The following PARD6G variants were observed in gnomAD, a reference collection of about 807,000 sequenced individuals.
The protein encoded by PARD6G is partitioning defective 6 homolog gamma.
A neutral mutation model predicts 10.7 loss-of-function variants in PARD6G; 7 were observed. That is an observed-to-expected ratio of 0.66 (90% CI 0.37 to 1.23). The LOEUF (loss-of-function observed/expected upper bound fraction) is 1.23. Among genes scored for constraint, PARD6G ranks in the 50% most tolerant of loss-of-function variants. The pLI is 0.02. For synonymous variants in PARD6G, 287 were observed against 269.4 expected (o/e 1.07, Z -0.64); for missense variants, 548 against 571.8 (o/e 0.96, Z 0.42).
At chr18:80,171,411 C>T (rs1187289431) in intron 2 of PARD6G, 1 of 152,282 alleles carries the variant, frequency 6.6e-6, no homozygotes, top group East Asian at 1.9e-4. Flanking sequence ...CAGGGGGCGC[C>T]ACAGCAGCGC....
intron 2 of PARD6G, chr18:80,170,346 C>T (rs1260465112): frequency 6.6e-6 from 1 of 152,302 alleles, no homozygotes; most frequent in Admixed American, 6.5e-5. Flanking sequence ...GCTTGGTCTA[C>T]AGCATGCATC....
intron 2 of PARD6G, among the ~76,000 whole-genome samples, chr18:80,185,377 C>T (rs2052868666): frequency 6.6e-6 from 1 of 152,096 alleles, no homozygotes. Context: ...TGGGCTCAAG[C>T]CATCCTCCTG....
chr18:80,179,552 G>T (rs532573434), intron 2 of PARD6G, among the ~76,000 whole-genome samples: 6 of 152,302 alleles, frequency 3.9e-5, no homozygotes, highest in Admixed American at 2.0e-4. Context: ...GTCCCCTGCT[G>T]CCCTGGGCCC....
intron 1 of PARD6G, among the ~76,000 whole-genome samples, chr18:80,222,993 A>G (rs1374200604): frequency 1.3e-5 from 2 of 152,190 alleles, no homozygotes; most frequent in African/African-American, 2.4e-5. Flanking sequence ...TATTTTTGAC[A>G]AGAATGTTAA....
rs541194566 is a variant in PARD6G at position 80,184,570 on chromosome 18, C to A, written c.295+18140G>T. 6.6e-6 allele frequency: 1 copy of A among 152,318 alleles called. No individual in the cohort carries two copies. Among genetic ancestry groups the A allele is most frequent in the Admixed American group, 6.5e-5 (1 of 15,298 alleles). The allele number at this position is 152,318 out of a possible 1,614,324, so 9.4% of individuals were successfully genotyped here. A position where few individuals can be genotyped will look rare whatever the true frequency, so the allele number is the denominator to read the frequency against. ...GTGAAACCCTCAGAGGGAGCAAGGCCGTGAAACCCGCAGCGGGAGCGAGGC... is the reference window on the plus strand; with the variant it reads ...GTGAAACCCTCAGAGGGAGCAAGGCAGTGAAACCCGCAGCGGGAGCGAGGC... On this transcript the variant is annotated intron_variant, in intron 2 of 2. Transcript: ENST00000353265. This position sits in a 1 kb window ranked among gnomAD's most constrained non-coding sequence, Gnocchi z 4.5.
At chr18:80,225,960 T>G (rs1438246244) in intron 1 of PARD6G, among the ~76,000 whole-genome samples, 2 of 152,090 alleles carry the variant, frequency 1.3e-5, no homozygotes, top group African/African-American at 4.8e-5. Flanking sequence ...AGAAAACCAC[T>G]GTAATGTGTA....
chr18:80,207,789 A>C (rs1967067885), intron 1 of PARD6G, among the ~76,000 whole-genome samples: 1 of 152,228 alleles, frequency 6.6e-6, no homozygotes, highest in East Asian at 1.9e-4. Flanking sequence ...AGAGAAAAAT[A>C]TTTGAACTTC....
At chr18:80,163,364 C>T (rs1568425117) in intron 2 of PARD6G, among the ~76,000 whole-genome samples, 2 of 152,180 alleles carry the variant, frequency 1.3e-5, no homozygotes, top group Non-Finnish European at 2.9e-5. Context: ...CTGTCCCACA[C>T]ACGGGCAGAG....
In PARD6G at chr18:80,236,242, G is replaced by A. The variant is rs142572732; in HGVS notation, c.72+11035C>T. Among the ~76,000 whole-genome samples the A allele has an allele frequency of 8.9e-3, 1,355 of 152,180 alleles. 24 individuals are homozygous for A. Among genetic ancestry groups the A allele is most frequent in the African/African-American group, 0.031 (1,293 of 41,484 alleles). On this transcript the variant is annotated intron_variant, in intron 1 of 2. Transcript: ENST00000353265. ...AATCCAGCATATAAACAGAACCAAC[G>A]ACAAAAACCACATGATTATCTCAAC... is the stretch of plus-strand genomic sequence containing the variant.
At chr18:80,212,025 T>C (rs569386469) in intron 1 of PARD6G, among the ~76,000 whole-genome samples, 43 of 152,290 alleles carry the variant, frequency 2.8e-4, no homozygotes, top group Non-Finnish European at 5.1e-4. Context: ...TAATGTTTCA[T>C]TCAATGTTAT....
chr18:80,222,884 C>T (rs1286562825), intron 1 of PARD6G, among the ~76,000 whole-genome samples: 5 of 152,152 alleles, frequency 3.3e-5, no homozygotes, highest in Non-Finnish European at 1.5e-5. Context: ...CCATATTGCC[C>T]AGGCTGGTCT....
At chr18:80,163,526 A>T (rs1441288365) in intron 2 of PARD6G, among the ~76,000 whole-genome samples, 1 of 152,130 alleles carries the variant, frequency 6.6e-6, no homozygotes, top group Admixed American at 6.5e-5. Flanking sequence ...CCATCCCGGG[A>T]GCCCCACCCC....
intron 2 of PARD6G, among the ~76,000 whole-genome samples, chr18:80,168,233 G>A (rs1010598537): frequency 1.3e-5 from 2 of 152,192 alleles, no homozygotes; most frequent in Admixed American, 1.3e-4. Flanking sequence ...AGTACTGCCC[G>A]CATGCAGCTG....
At chr18:80,163,727 G>A (rs572613186) in intron 2 of PARD6G, among the ~76,000 whole-genome samples, 5 of 152,290 alleles carry the variant, frequency 3.3e-5, no homozygotes, top group Middle Eastern at 6.8e-3. Flanking sequence ...GCCCCTCCTC[G>A]TAAGGGGCTT....
chr18:80,196,580 T>C (rs539299473), intron 2 of PARD6G, among the ~76,000 whole-genome samples: 4 of 152,330 alleles, frequency 2.6e-5, no homozygotes, highest in Non-Finnish European at 5.9e-5. Context: ...GGTGTTTTGC[T>C]GGGACTACAG....
intron 1 of PARD6G, among the ~76,000 whole-genome samples, chr18:80,222,959 G>T (rs1967249270): frequency 6.6e-6 from 1 of 152,092 alleles, no homozygotes; most frequent in Non-Finnish European, 1.5e-5. Flanking sequence ...TACAGGCATG[G>T]GCTACTGCAG....
chr18:80,179,785 G>A (rs990767761), intron 2 of PARD6G, among the ~76,000 whole-genome samples: 6 of 152,370 alleles, frequency 3.9e-5, no homozygotes, highest in African/African-American at 1.4e-4. Context: ...ACCACACGGA[G>A]TCCAAGAGCA....
intron 1 of PARD6G, among the ~76,000 whole-genome samples, chr18:80,225,642 A>G (rs2145297634): frequency 6.6e-6 from 1 of 152,316 alleles, no homozygotes; most frequent in Middle Eastern, 3.4e-3. Flanking sequence ...GTCCTTTGTC[A>G]TTTCCTCAAA....
chr18:80,207,672 C>G (rs1248892245), intron 1 of PARD6G, among the ~76,000 whole-genome samples: 1 of 152,172 alleles, frequency 6.6e-6, no homozygotes, highest in African/African-American at 2.4e-5. Flanking sequence ...TGTACATTCA[C>G]ACTGTTATGC....
Sources: allele counts gnomAD v4.1 joint callset (sites outside exome capture counted in the v4.1 genomes callset), GRCh38; gene constraint gnomAD v4.1.1; non-coding constraint Gnocchi (gnomAD v3.1); transcripts MANE v1.5; gene names NCBI Gene and HGNC (gene_info 2026-07-23, HGNC 2026-07-21).